The following CNTNAP2 variants were observed in gnomAD, a reference collection of about 807,000 sequenced individuals.
CNTNAP2 encodes contactin associated protein 2.
In CNTNAP2, 98 loss-of-function variants were observed where a neutral mutation model predicts 155.2. That is an observed-to-expected ratio of 0.63 (90% confidence interval 0.54 to 0.75). The LOEUF is 0.75. Ranked by LOEUF, CNTNAP2 falls within the 30% of genes least tolerant of loss-of-function variation. The pLI is 0.00. For synonymous variants in CNTNAP2, 651 were observed against 631.2 expected (o/e 1.03, Z -0.47); for missense variants, 1,727 against 1,688.1 (o/e 1.02, Z -0.40).
chr7:147,418,574 G>A (rs184171706), intron 10 of CNTNAP2, among the ~76,000 whole-genome samples: 1 of 152,304 alleles, frequency 6.6e-6, no homozygotes, highest in East Asian at 1.9e-4. Context: ...CCAGAGTAAT[G>A]ATAGTCTAAA....
At chr7:146,642,982 CT>C (rs757547332) in intron 1 of CNTNAP2, among the ~76,000 whole-genome samples, 3,377 of 146,934 alleles carry the variant, frequency 0.023, 56 homozygotes, top group Middle Eastern at 0.039. Context: ...TGTTCATGTC[CT>C]TTGCCCACTT....
At chr7:146,844,832 A>C (rs531275790) in intron 3 of CNTNAP2, among the ~76,000 whole-genome samples, 58 of 152,280 alleles carry the variant, frequency 3.8e-4, no homozygotes, top group African/African-American at 1.4e-3. Context: ...AGTTATTTTT[A>C]AAAACAGTTT....
At chr7:148,065,692 A>G (rs188880160) in intron 15 of CNTNAP2, among the ~76,000 whole-genome samples, 105 of 152,272 alleles carry the variant, frequency 6.9e-4, no homozygotes, top group Admixed American at 1.2e-3. Flanking sequence ...ATGTTAGGTG[A>G]GTCTCTTGAA....
chr7:146,264,497 TCTATCCAGTAAATTGAGTAA>T (rs1276370112), intron 1 of CNTNAP2, among the ~76,000 whole-genome samples: 10 of 151,678 alleles, frequency 6.6e-5, no homozygotes, highest in Admixed American at 1.3e-4. Context: ...AGAAAAGTAA[TCTATCCAGTAAATTGAGTAA>T]CTTAATATGT....
At chr7:148,137,217 A>G (rs576963923) in intron 16 of CNTNAP2, among the ~76,000 whole-genome samples, 7 of 152,350 alleles carry the variant, frequency 4.6e-5, no homozygotes, top group African/African-American at 1.7e-4. Context: ...TCTAATATTC[A>G]TTACTAAGTA....
chr7:146,303,320 C>CA lies in CNTNAP2; in HGVS notation c.97+186349dup, dbSNP rs1800647678. On this transcript the variant is annotated intron_variant, in intron 1 of 23. Transcript: ENST00000361727. The stretch of plus-strand genomic sequence containing the variant: ...ACCTCTCATTTGCCTCAATTATAAG[C>CA]AATTTGCCAGTCTCAAATCATGTAC... Among the ~76,000 whole-genome samples, 6 of 152,118 alleles carry CA rather than the reference C, an allele frequency of 3.9e-5. No individual in the cohort carries two copies. In the South Asian group the frequency reaches 1.2e-3, roughly 32 times the overall value.
intron 15 of CNTNAP2, among the ~76,000 whole-genome samples, chr7:148,010,491 G>A (rs796960823): frequency 1.9e-4 from 29 of 150,780 alleles, no homozygotes; most frequent in East Asian, 1.6e-3. Context: ...AGTTTTAACC[G>A]TTTTCTATGT....
At chr7:148,326,456 T>C (rs1421124823) in intron 21 of CNTNAP2, among the ~76,000 whole-genome samples, 2 of 152,212 alleles carry the variant, frequency 1.3e-5, no homozygotes, top group African/African-American at 4.8e-5. Flanking sequence ...TGCCCTTCCA[T>C]CTTGCCATCT....
intron 8 of CNTNAP2, among the ~76,000 whole-genome samples, chr7:147,140,728 C>A (rs867239420): frequency 6.6e-6 from 1 of 152,170 alleles, no homozygotes. Context: ...TGTCAGCTAA[C>A]CCCATGGCCA....
In CNTNAP2 at chr7:147,394,902, GTATATATACCATATTATGGTATTT is replaced by G. The variant is rs549487511; in HGVS notation, c.1499-679_1499-656del. On this transcript the variant is annotated intron_variant, in intron 9 of 23. Transcript: ENST00000361727. ...TAGTTCTATCTGTTATTATTTACTAGTATATATACCATATTATGGTATTTTATATATACCATATTATGGTATTTT... is the reference window on the plus strand; with the variant it reads ...TAGTTCTATCTGTTATTATTTACTAGTATATATACCATATTATGGTATTTT... Among the ~76,000 whole-genome samples the G allele has an allele frequency of 1.2e-3, 183 of 146,998 alleles. 3 individuals carry two copies. The South Asian group carries it at 0.017, about 13-fold the overall frequency.
chr7:146,405,669 G>GA (rs879430618), intron 1 of CNTNAP2, among the ~76,000 whole-genome samples: 1 of 152,148 alleles, frequency 6.6e-6, no homozygotes, highest in Admixed American at 6.5e-5. Flanking sequence ...TTGATACTCG[G>GA]AAAAATCAGA....
intron 11 of CNTNAP2, among the ~76,000 whole-genome samples, chr7:147,488,847 G>A (rs1422770801): frequency 6.6e-6 from 1 of 152,112 alleles, no homozygotes; most frequent in African/African-American, 2.4e-5. Flanking sequence ...GTTTTCTCCT[G>A]TAGGAATAGA....
intron 8 of CNTNAP2, among the ~76,000 whole-genome samples, chr7:147,171,425 G>A (rs985690256): frequency 6.6e-6 from 1 of 152,194 alleles, no homozygotes; most frequent in African/African-American, 2.4e-5. Flanking sequence ...AACATGAGGA[G>A]AACAAATGCC....
chr7:148,075,004 G>A (rs1239707762), intron 15 of CNTNAP2, among the ~76,000 whole-genome samples: 10 of 151,998 alleles, frequency 6.6e-5, no homozygotes, highest in South Asian at 2.1e-4. Flanking sequence ...TAAATTGCAC[G>A]GAAAGTTCTA....
chr7:146,544,744 T>A (rs1798004691), intron 1 of CNTNAP2, among the ~76,000 whole-genome samples: 1 of 89,640 alleles, frequency 1.1e-5, no homozygotes, highest in Non-Finnish European at 2.4e-5. Flanking sequence ...GTTGTGTTTC[T>A]TTTGCCTGCT....
intron 21 of CNTNAP2, among the ~76,000 whole-genome samples, chr7:148,276,593 G>A (rs562168447): frequency 6.6e-6 from 1 of 152,236 alleles, no homozygotes; most frequent in South Asian, 2.1e-4. Flanking sequence ...GGTTCCTGGA[G>A]CAGGACTGAG....
At chr7:146,196,665 G>T (rs1326610260) in intron 1 of CNTNAP2, among the ~76,000 whole-genome samples, 5 of 152,188 alleles carry the variant, frequency 3.3e-5, no homozygotes, top group African/African-American at 1.2e-4. Flanking sequence ...GAAACCAGAA[G>T]AGAAGACATG....
At chr7:146,624,474 T>TA (rs1026508254) in intron 1 of CNTNAP2, among the ~76,000 whole-genome samples, 2 of 151,786 alleles carry the variant, frequency 1.3e-5, no homozygotes, top group African/African-American at 2.4e-5. Flanking sequence ...CATTATTACT[T>TA]TTTTTATCAA....
chr7:147,918,347 A>C (rs1041224391), intron 14 of CNTNAP2, among the ~76,000 whole-genome samples: 3 of 152,350 alleles, frequency 2.0e-5, no homozygotes, highest in Admixed American at 6.5e-5. Flanking sequence ...ATTGAGTCAT[A>C]AACCCACATA....
Sources: gnomAD v4.1 joint callset for allele counts (sites outside exome capture counted in the v4.1 genomes callset) on GRCh38, gnomAD v4.1.1 for gene constraint, MANE v1.5 for transcripts, NCBI Gene and HGNC (gene_info 2026-07-23, HGNC 2026-07-21) for gene names.